Variants in FAM185A observed in about 807,000 individuals in gnomAD.
FAM185A encodes family with sequence similarity 185 member A.
FAM185A carries 21 observed loss-of-function variants against 45.7 expected under a neutral mutation model. The ratio of observed to expected loss-of-function variants is 0.46; its 90% CI spans 0.33 to 0.66. FAM185A has a LOEUF of 0.66. Ranked by LOEUF, FAM185A falls within the 30% of genes least tolerant of loss-of-function variation. The pLI is 0.03. For synonymous variants in FAM185A, 117 were observed against 194.0 expected, an observed-to-expected ratio of 0.60 and a Z score of 3.30; for missense variants, 305 against 485.4, an observed-to-expected ratio of 0.63 and a Z score of 3.49.
At chr7:102,788,578 C>G (rs1476622688) in intron 7 of FAM185A, among the ~76,000 whole-genome samples, 1 of 152,170 alleles carries the variant, frequency 6.6e-6, no homozygotes, top group Non-Finnish European at 1.5e-5. Flanking sequence ...TATACACTCC[C>G]AGATATAACT....
At position 102,749,099 on chromosome 7, in the gene FAM185A, T is replaced by G. The variant is rs1484205601; in HGVS notation, c.-109T>G. Reference sequence around the variant, plus strand: ...CGCTCTTGTTTCAGCAAACCCTGACTTACGTCTCCTATTTGACTTGAGGCG... The same window carrying G: ...CGCTCTTGTTTCAGCAAACCCTGACGTACGTCTCCTATTTGACTTGAGGCG... On this transcript the variant is annotated 5_prime_UTR_variant, in exon 1 of 8. Coordinates refer to ENST00000413034, the MANE Select transcript of FAM185A (RefSeq NM_001145268.2). 1 of 1,459,300 alleles carries G rather than the reference T, an allele frequency of 6.9e-7. No individual in the cohort carries two copies. Among genetic ancestry groups the G allele is most frequent in the Non-Finnish European group, 9.4e-7 (1 of 1,065,018 alleles). 90.4% of individuals were successfully genotyped at this position (1,459,300 alleles called of 1,614,324 possible).
intron 6 of FAM185A, among the ~76,000 whole-genome samples, chr7:102,778,288 A>G (rs1414740411): frequency 2.6e-5 from 4 of 152,252 alleles, no homozygotes; most frequent in African/African-American, 7.2e-5. Flanking sequence ...TGACTTCTCA[A>G]TATCATATTT....
the FAM185A span, among the ~76,000 whole-genome samples, chr7:102,834,058 AAGGAAGGAAGGAAGGAAGG>A: frequency 8.7e-6 from 1 of 114,646 alleles, no homozygotes; most frequent in Admixed American, 8.6e-5. Flanking sequence ...GGAAGGAAGG[AAGGAAGGAAGGAAGGAAGG>A]AAGGAAAGAA....
the FAM185A span, among the ~76,000 whole-genome samples, chr7:102,838,242 G>A: frequency 6.6e-6 from 1 of 152,144 alleles, no homozygotes; most frequent in Non-Finnish European, 1.5e-5. Flanking sequence ...AGTGGTGTGG[G>A]AATAACACAG....
chr7:102,827,872 T>A, the FAM185A span, among the ~76,000 whole-genome samples: 1 of 152,156 alleles, frequency 6.6e-6, no homozygotes, highest in Non-Finnish European at 1.5e-5. Flanking sequence ...TTGTCAGGTT[T>A]GTCAAAGATC....
At chr7:102,754,242 C>A (rs971775578) in intron 2 of FAM185A, among the ~76,000 whole-genome samples, 4 of 151,970 alleles carry the variant, frequency 2.6e-5, no homozygotes, top group Non-Finnish European at 4.4e-5. Context: ...ACTCTGTTGC[C>A]CAGGCTGGAG....
chr7:102,749,508 G>A lies in FAM185A; in HGVS notation c.301G>A (p.Val101Met), dbSNP rs941431285. 2 of 1,524,478 alleles carry A rather than the reference G, an allele frequency of 1.3e-6. No homozygotes were observed. Among genetic ancestry groups the A allele is most frequent in the African/African-American group, 2.8e-5 (2 of 72,454 alleles). 94.4% of individuals were successfully genotyped at this position (1,524,478 alleles called of 1,614,324 possible). The change falls in exon 1 of 8, where the codon GTG becomes ATG. Residue 101 changes from valine to methionine, a missense_variant. Physicochemically the swap from Val to Met is conservative, Grantham distance 21 (BLOSUM62 1). This residue lies in a region of FAM185A where 174 missense variants were observed against 247.1 expected (regional missense o/e 0.70). Transcript: ENST00000413034. ...CCTCACCTACCCGGATGGCGACCGC[G>A]TGCTGGTCGCGGTGTGCGGCGTGGA... ...DPLTYPDGDR[V>M]LVAVCGVEGG...
intron 5 of FAM185A, among the ~76,000 whole-genome samples, chr7:102,776,303 A>T (rs1051351694): frequency 6.6e-6 from 1 of 151,730 alleles, no homozygotes; most frequent in African/African-American, 2.4e-5. Flanking sequence ...TTAAAGATTC[A>T]ATTGCCATGG....
the FAM185A span, chr7:102,827,050 C>G: frequency 2.4e-6 from 1 of 414,034 alleles, no homozygotes; most frequent in Admixed American, 2.4e-5. Context: ...GTTTCCTCAC[C>G]TCTTGAATCT....
intron 7 of FAM185A, among the ~76,000 whole-genome samples, chr7:102,798,664 AAAG>A (rs957534791): frequency 2.0e-5 from 3 of 152,308 alleles, no homozygotes; most frequent in Non-Finnish European, 2.9e-5. Flanking sequence ...TGGTATTTAA[AAAG>A]AAGAAAAAGT....
Position 102,749,506 on chromosome 7 carries a change from G to C in FAM185A, c.299G>C (p.Arg100Pro). The C allele has an allele frequency of 6.6e-7, 1 of 1,525,820 alleles. No homozygotes were observed. The highest frequency in any genetic ancestry group is 2.3e-4 in the Middle Eastern group (1 of 4,276). The allele number at this position is 1,525,820 out of a possible 1,614,324, so 94.5% of individuals were successfully genotyped here. The change falls in exon 1 of 8, where the codon CGC becomes CCC. Residue 100 changes from arginine (R) to proline (P), a missense_variant. Coordinates refer to ENST00000413034, the MANE Select transcript of FAM185A (RefSeq NM_001145268.2). ...CCCCTCACCTACCCGGATGGCGACC[G>C]CGTGCTGGTCGCGGTGTGCGGCGTG... ...LDPLTYPDGD[R>P]VLVAVCGVEG... is the part of the protein sequence containing the mutation.
intron 4 of FAM185A, among the ~76,000 whole-genome samples, chr7:102,763,050 G>A (rs1269599568): frequency 7.1e-6 from 1 of 140,344 alleles, no homozygotes; most frequent in Non-Finnish European, 1.5e-5. Context: ...AGGAAAAGCA[G>A]TCTGTTCTCT....
intron 6 of FAM185A, among the ~76,000 whole-genome samples, chr7:102,783,185 C>T (rs1795526162): frequency 6.6e-6 from 1 of 151,112 alleles, no homozygotes; most frequent in African/African-American, 2.4e-5. Flanking sequence ...ACTTAGACTC[C>T]CACACAATAA....
intron 1 of FAM185A, 117 bp from the exon 2 acceptor site, chr7:102,751,575 A>G: frequency 1.6e-6 from 2 of 1,255,792 alleles, no homozygotes; most frequent in Non-Finnish European, 2.1e-6. Flanking sequence ...TACAGTATGC[A>G]CTTTCCAGGA....
At chr7:102,811,654 C>T (rs2129444358), downstream of FAM185A, among the ~76,000 whole-genome samples, 1 of 152,314 alleles carries the variant, frequency 6.6e-6, no homozygotes, top group East Asian at 1.9e-4. Context: ...CTTTAGAAAG[C>T]AATTGCCTCT....
At chr7:102,802,301 G>C (rs980112760) in intron 7 of FAM185A, among the ~76,000 whole-genome samples, 1 of 152,138 alleles carries the variant, frequency 6.6e-6, no homozygotes, top group Non-Finnish European at 1.5e-5. Flanking sequence ...CACAAAATGA[G>C]CCTCAATAAA....
At chr7:102,822,008 CA>C in the FAM185A span, 1 of 1,609,898 alleles carries the variant, frequency 6.2e-7, no homozygotes, top group Non-Finnish European at 8.5e-7. Flanking sequence ...AAGTAGTTCT[CA>C]AAAGTTTGTC....
At chr7:102,813,598 A>C, downstream of FAM185A, 2 of 1,529,376 alleles carry the variant, frequency 1.3e-6, no homozygotes, top group Non-Finnish European at 1.8e-6. Flanking sequence ...TTTCAAACTC[A>C]ACCAAATTTG....
At chr7:102,769,580 A>C (rs1328168085) in intron 4 of FAM185A, among the ~76,000 whole-genome samples, 1 of 151,736 alleles carries the variant, frequency 6.6e-6, no homozygotes, top group East Asian at 1.9e-4. Flanking sequence ...AAAGTTACGA[A>C]TATCAGGGAC....
Sources: gnomAD v4.1 joint callset for allele counts (sites outside exome capture counted in the v4.1 genomes callset) on GRCh38, gnomAD v4.1.1 for gene constraint, gnomAD v4.1.1 regional missense constraint, MANE v1.5 for transcripts, NCBI Gene and HGNC (gene_info 2026-07-23, HGNC 2026-07-21) for gene names.